Variants in FER observed in about 807,000 individuals in gnomAD.
FER encodes the protein FER tyrosine kinase.
In FER, 63 loss-of-function variants were observed where a neutral mutation model predicts 111.0. That is an observed-to-expected ratio of 0.57 (90% CI 0.46 to 0.70). FER has a LOEUF of 0.70. Among genes scored for constraint, FER ranks in the 30% least tolerant of loss-of-function variants. The pLI is 0.00. For missense variants in FER, 914 were observed against 954.0 expected, an observed-to-expected ratio of 0.96 and a Z score of 0.55; for synonymous variants, 327 against 313.9, an observed-to-expected ratio of 1.04 and a Z score of -0.44.
intron 16 of FER, among the ~76,000 whole-genome samples, chr5:109,080,735 A>T (rs1053817736): frequency 6.6e-6 from 1 of 152,164 alleles, no homozygotes; most frequent in African/African-American, 2.4e-5. Context: ...TACATTGTAC[A>T]TATAGAATAA....
intron 2 of FER, among the ~76,000 whole-genome samples, chr5:108,769,113 T>C (rs7710482): frequency 0.45 from 68,146 of 152,038 alleles, 17,548 homozygotes; most frequent in African/African-American, 0.71. Context: ...AGGCGTGAGC[T>C]ACTGTGCCTG....
At chr5:109,116,369 A>T (rs17450449) in intron 17 of FER, among the ~76,000 whole-genome samples, 1 of 151,522 alleles carries the variant, frequency 6.6e-6, no homozygotes, top group Non-Finnish European at 1.5e-5. Context: ...CTGTTGCTTC[A>T]TAGATTTTCT....
intron 13 of FER, among the ~76,000 whole-genome samples, chr5:109,003,790 G>T (rs1003145496): frequency 1.6e-4 from 24 of 151,854 alleles, no homozygotes; most frequent in Non-Finnish European, 7.4e-5. Flanking sequence ...GATCAGCCTA[G>T]GCATCATAGA....
intron 10 of FER, among the ~76,000 whole-genome samples, chr5:108,927,580 C>T (rs1753963151): frequency 6.6e-6 from 1 of 152,070 alleles, no homozygotes; most frequent in Admixed American, 6.5e-5. Context: ...TTAATGTGGG[C>T]TTTATTATTC....
chr5:108,780,778 T>A (rs1753980711), intron 2 of FER, among the ~76,000 whole-genome samples: 2 of 152,130 alleles, frequency 1.3e-5, no homozygotes, highest in African/African-American at 4.8e-5. Flanking sequence ...ATGTTACACC[T>A]TTTTTAGTTG....
chr5:109,076,647 A>C (rs1776379566), intron 16 of FER, among the ~76,000 whole-genome samples: 1 of 152,044 alleles, frequency 6.6e-6, no homozygotes, highest in Non-Finnish European at 1.5e-5. Context: ...TTTGTTGCCC[A>C]AGCTGGTCTC....
At chr5:108,909,103 T>C (rs10515395) in intron 10 of FER, among the ~76,000 whole-genome samples, 10,822 of 152,258 alleles carry the variant, frequency 0.071, 424 homozygotes, top group Middle Eastern at 0.095. Flanking sequence ...TTTTTGACAA[T>C]GTATGTAGTG....
chr5:109,109,077 C>A (rs1223030727), intron 17 of FER, among the ~76,000 whole-genome samples: 1 of 152,108 alleles, frequency 6.6e-6, no homozygotes, highest in Non-Finnish European at 1.5e-5. Context: ...TAAGTGTAAG[C>A]ATTTGCAGAG....
intron 13 of FER, 31 bp from the exon 14 acceptor site, chr5:109,037,391 A>G (rs2149881343): frequency 2.5e-6 from 4 of 1,591,814 alleles, no homozygotes; most frequent in Non-Finnish European, 3.4e-6. Flanking sequence ...CCTTGCTTGT[A>G]CTAAACAACT....
intron 3 of FER, among the ~76,000 whole-genome samples, chr5:108,826,070 A>G (rs1341830250): frequency 6.6e-6 from 1 of 152,186 alleles, no homozygotes; most frequent in East Asian, 1.9e-4. Context: ...AGCTTGCCAT[A>G]TCTAGCCTTT....
At chr5:109,161,429 A>G (rs1033241374) in intron 17 of FER, among the ~76,000 whole-genome samples, 3 of 151,980 alleles carry the variant, frequency 2.0e-5, no homozygotes, top group African/African-American at 7.2e-5. Context: ...CCCACCCTTC[A>G]TAAGCCCAAG....
At chr5:108,949,909 G>A (rs978487101) in intron 11 of FER, among the ~76,000 whole-genome samples, 16 of 152,022 alleles carry the variant, frequency 1.1e-4, no homozygotes, top group Non-Finnish European at 2.2e-4. Context: ...GAGAGAGGAT[G>A]AGTGAGAGTC....
intron 2 of FER, among the ~76,000 whole-genome samples, chr5:108,768,828 A>AT (rs113751321): frequency 0.27 from 39,940 of 146,362 alleles, 5,768 homozygotes; most frequent in African/African-American, 0.39. Flanking sequence ...TTATAATACA[A>AT]TTTTTTTTTT....
chr5:108,909,909 A>G (rs1416896168), intron 10 of FER, among the ~76,000 whole-genome samples: 2 of 151,738 alleles, frequency 1.3e-5, no homozygotes, highest in South Asian at 4.1e-4. Flanking sequence ...TTTCAGATGT[A>G]TTAAATACTC....
At chr5:109,072,790 G>A (rs1775920085) in intron 16 of FER, among the ~76,000 whole-genome samples, 1 of 152,044 alleles carries the variant, frequency 6.6e-6, no homozygotes, top group African/African-American at 2.4e-5. Context: ...AACTCTGAAA[G>A]TTAGAAAGTT....
At chr5:108,969,609 A>ATTTTTTTTTTTTTTTTTTTT (rs1160968356) in intron 13 of FER, among the ~76,000 whole-genome samples, 1 of 148,870 alleles carries the variant, frequency 6.7e-6, no homozygotes, top group African/African-American at 2.6e-5. Flanking sequence ...TTACATTTTA[A>ATTTTTTTTTTTTTTTTTTTT]TTTTTTTGAA....
chr5:109,110,926 T>A (rs149440264), intron 17 of FER, among the ~76,000 whole-genome samples: 1 of 152,178 alleles, frequency 6.6e-6, no homozygotes, highest in Admixed American at 6.6e-5. Flanking sequence ...GATACAATCA[T>A]GAGCAAGATG....
intron 9 of FER, among the ~76,000 whole-genome samples, chr5:108,884,069 A>G (rs926111952): frequency 5.9e-5 from 9 of 152,074 alleles, no homozygotes; most frequent in Admixed American, 3.9e-4. Context: ...TATGCTTTCT[A>G]CTGCTTAAGA....
At chr5:109,012,121 A>G (rs1309919174) in intron 13 of FER, among the ~76,000 whole-genome samples, 1 of 151,926 alleles carries the variant, frequency 6.6e-6, no homozygotes, top group Non-Finnish European at 1.5e-5. Flanking sequence ...TTCTTTCCTT[A>G]TTTTTACTTA....
Sources: gnomAD v4.1 joint callset for allele counts (sites outside exome capture counted in the v4.1 genomes callset) on GRCh38, gnomAD v4.1.1 for gene constraint, MANE v1.5 for transcripts, NCBI Gene and HGNC (gene_info 2026-07-23, HGNC 2026-07-21) for gene names.